Variants in PEX14 observed in about 807,000 individuals in gnomAD.
The protein encoded by PEX14 is peroxisomal membrane protein PEX14.
PEX14 carries 15 observed loss-of-function variants against 49.5 expected under a neutral mutation model. The observed-to-expected ratio is 0.30, with a 90% CI of 0.20 to 0.47. The LOEUF (loss-of-function observed/expected upper bound fraction) is 0.47. Ranked by LOEUF, PEX14 falls within the 20% of genes least tolerant of loss-of-function variation. The pLI is 1.00. For missense variants in PEX14, 398 were observed against 494.8 expected, an observed-to-expected ratio of 0.80 and a Z score of 1.86; for synonymous variants, 210 against 212.7, an observed-to-expected ratio of 0.99 and a Z score of 0.11.
chr1:10,486,553 A>C (rs1641371525), intron 1 of PEX14, among the ~76,000 whole-genome samples: 1 of 151,820 alleles, frequency 6.6e-6, no homozygotes, highest in Non-Finnish European at 1.5e-5. Flanking sequence ...ATGGTGGCAC[A>C]TACCTGGAGT....
At chr1:10,557,123 C>A (rs1246843070) in intron 3 of PEX14, among the ~76,000 whole-genome samples, 2 of 151,886 alleles carry the variant, frequency 1.3e-5, no homozygotes, top group East Asian at 3.9e-4. Flanking sequence ...CAATACAGAT[C>A]TCTAGCATCA....
chr1:10,508,702 G>T (rs952552441), intron 2 of PEX14, among the ~76,000 whole-genome samples: 1 of 152,226 alleles, frequency 6.6e-6, no homozygotes, highest in Non-Finnish European at 1.5e-5. Context: ...GATGGTTGCA[G>T]TCCACACGGG....
In PEX14 at chr1:10,487,125, G is replaced by C. The variant is rs1235129141; in HGVS notation, c.37-8149G>C. Among the ~76,000 whole-genome samples, 4 of 152,068 alleles carry C rather than the reference G, an allele frequency of 2.6e-5. No individual in the cohort carries two copies. In the East Asian group the frequency reaches 7.7e-4, roughly 29 times the overall value. ...ATTTATGTTGATTGATTTTTGAAAT[G>C]TTAAACCAATTTTTTATTCATTGGA... On this transcript the variant is annotated intron_variant, in intron 1 of 8. Coordinates refer to ENST00000356607, the MANE Select transcript of PEX14 (RefSeq NM_004565.3).
At chr1:10,593,957 G>A (rs985102500) in intron 3 of PEX14, among the ~76,000 whole-genome samples, 6 of 152,126 alleles carry the variant, frequency 3.9e-5, no homozygotes, top group African/African-American at 1.2e-4. Context: ...AACAAGGCCC[G>A]GCTGGATCAG....
At chr1:10,550,502 A>G (rs1639303561) in intron 3 of PEX14, among the ~76,000 whole-genome samples, 1 of 152,230 alleles carries the variant, frequency 6.6e-6, no homozygotes, top group African/African-American at 2.4e-5. Flanking sequence ...CCACACCCTT[A>G]GAGAACTTGG....
At chr1:10,503,865 CT>C in intron 2 of PEX14, among the ~76,000 whole-genome samples, 1 of 152,070 alleles carries the variant, frequency 6.6e-6, no homozygotes, top group South Asian at 2.1e-4. Flanking sequence ...TCTTGAGTAG[CT>C]GGGATTACAG....
chr1:10,530,645 C>T (rs182368955), intron 2 of PEX14, among the ~76,000 whole-genome samples: 7 of 152,346 alleles, frequency 4.6e-5, no homozygotes, highest in Admixed American at 4.6e-4. Flanking sequence ...ACCGAGCCTT[C>T]CTCTGCATAT....
At chr1:10,516,257 T>C (rs1641968060) in intron 2 of PEX14, among the ~76,000 whole-genome samples, 1 of 152,204 alleles carries the variant, frequency 6.6e-6, no homozygotes, top group African/African-American at 2.4e-5. Flanking sequence ...TAGCCCTGTT[T>C]TATAGTCCAA....
intron 3 of PEX14, among the ~76,000 whole-genome samples, chr1:10,554,758 G>C (rs529779997): frequency 6.6e-6 from 1 of 151,614 alleles, no homozygotes; most frequent in African/African-American, 2.4e-5. Context: ...CTGTCACCCA[G>C]GCTGGAATAC....
At position 10,623,701 on chromosome 1, in the gene PEX14, C is replaced by T. The variant is rs1181384528; in HGVS notation, c.487+580C>T. ...AACCAGAGCAAGGCCAATGAGAGAG[C>T]CACCTGTCCCAGGCAGGAGTCTGTG... On this transcript the variant is annotated intron_variant, in intron 6 of 8. Transcript: ENST00000356607. This position sits in a 1 kb window ranked among gnomAD's most constrained non-coding sequence, Gnocchi z 4.4. Among the ~76,000 whole-genome samples, 1 of 152,198 alleles carries T rather than the reference C, an allele frequency of 6.6e-6. No individual in the cohort carries two copies. The highest frequency in any genetic ancestry group is 1.5e-5 in the Non-Finnish European group (1 of 68,034).
intron 1 of PEX14, among the ~76,000 whole-genome samples, chr1:10,488,826 A>G (rs867750179): frequency 6.0e-5 from 9 of 151,010 alleles, no homozygotes; most frequent in African/African-American, 1.5e-4. Flanking sequence ...TATACCTTAC[A>G]TTTCTCTTCT....
intron 3 of PEX14, among the ~76,000 whole-genome samples, chr1:10,562,501 A>C (rs1479017771): frequency 1.3e-5 from 2 of 152,152 alleles, no homozygotes; most frequent in Non-Finnish European, 2.9e-5. Context: ...TTTTTGTAGG[A>C]TAGAGGCCAG....
chr1:10,624,059 T>A (rs975845841), intron 6 of PEX14, among the ~76,000 whole-genome samples: 1 of 152,004 alleles, frequency 6.6e-6, no homozygotes, highest in Non-Finnish European at 1.5e-5. Flanking sequence ...GCTCAGCAAA[T>A]CATAGCCAGC....
intron 3 of PEX14, among the ~76,000 whole-genome samples, chr1:10,575,074 TAAAA>T (rs142120114): frequency 8.1e-6 from 1 of 123,394 alleles, no homozygotes; most frequent in Non-Finnish European, 1.7e-5. Context: ...GTCTCTTAAA[TAAAA>T]AAAAAAAAGG....
chr1:10,586,304 A>G (rs1640484660), intron 3 of PEX14, among the ~76,000 whole-genome samples: 1 of 152,238 alleles, frequency 6.6e-6, no homozygotes, highest in Admixed American at 6.5e-5. Context: ...CTAAAATGGA[A>G]AAGACTGAGA....
intron 2 of PEX14, among the ~76,000 whole-genome samples, chr1:10,511,536 CCATGA>C (rs1641883741): frequency 6.6e-6 from 1 of 152,162 alleles, no homozygotes; most frequent in Non-Finnish European, 1.5e-5. Context: ...GGAAAGTCTG[CCATGA>C]ACTGTAGGAC....
intron 3 of PEX14, among the ~76,000 whole-genome samples, chr1:10,545,072 A>G (rs1483385678): frequency 6.6e-6 from 1 of 152,070 alleles, no homozygotes; most frequent in Admixed American, 6.6e-5. Context: ...CCTAGTTTGC[A>G]TTTTGTAGAA....
At chr1:10,526,675 T>A (rs1638493055) in intron 2 of PEX14, among the ~76,000 whole-genome samples, 1 of 152,194 alleles carries the variant, frequency 6.6e-6, no homozygotes, top group African/African-American at 2.4e-5. Flanking sequence ...ATGTACATAA[T>A]ACTTACTGGT....
intron 4 of PEX14, among the ~76,000 whole-genome samples, chr1:10,605,209 G>A (rs1641092479): frequency 6.6e-6 from 1 of 152,182 alleles, no homozygotes; most frequent in Non-Finnish European, 1.5e-5. Context: ...GAGAATGGAA[G>A]GGCTATCATG....
Sources: gnomAD v4.1 joint callset for allele counts (sites outside exome capture counted in the v4.1 genomes callset) on GRCh38, gnomAD v4.1.1 for gene constraint, Gnocchi (gnomAD v3.1) non-coding constraint, MANE v1.5 for transcripts, NCBI Gene and HGNC (gene_info 2026-07-23, HGNC 2026-07-21) for gene names.